The following GRXCR1 variants were observed in gnomAD, a reference collection of about 807,000 sequenced individuals.
GRXCR1 encodes glutaredoxin and cysteine rich domain containing 1.
A neutral mutation model predicts 27.3 loss-of-function variants in GRXCR1; 27 were observed. The observed-to-expected ratio is 0.99, with a 90% CI of 0.73 to 1.37. GRXCR1 has a LOEUF of 1.37. Ranked by LOEUF, GRXCR1 falls within the 40% of genes most tolerant of loss-of-function variation. The probability of loss-of-function intolerance (pLI) is 0.00; values close to 1 mark genes in which losing one functional copy is unlikely to be tolerated. For synonymous variants in GRXCR1, 122 were observed against 131.1 expected (o/e 0.93, Z 0.47); for missense variants, 379 against 354.4 (o/e 1.07, Z -0.56).
chr4:43,000,957 C>T (rs1329807856), intron 2 of GRXCR1, among the ~76,000 whole-genome samples: 2 of 152,052 alleles, frequency 1.3e-5, no homozygotes, highest in Non-Finnish European at 2.9e-5. Flanking sequence ...GAAGGCGCCT[C>T]ACTCTGTTGC....
At chr4:42,974,782 G>A (rs540238286) in intron 2 of GRXCR1, among the ~76,000 whole-genome samples, 1 of 152,240 alleles carries the variant, frequency 6.6e-6, no homozygotes, top group Admixed American at 6.5e-5. Context: ...TCTTGGGGCT[G>A]TGGCATAAAC....
At position 42,963,123 on chromosome 4, in the gene GRXCR1, C is replaced by T. The variant is rs1193967022; in HGVS notation, c.616C>T (p.His206Tyr). 6.2e-7 allele frequency: 1 copy of T among 1,608,848 alleles called. No individual in the cohort carries two copies. The highest frequency in any genetic ancestry group is 8.5e-7 in the Non-Finnish European group (1 of 1,177,132). Residue 206 changes from histidine to tyrosine, a missense_variant, in exon 2 of 4, where the codon CAT becomes TAT. By Grantham distance (83) the His-to-Tyr change is moderately conservative. Transcript: ENST00000399770. ...PSLPVVFIDG[H>Y]YLGGAEKILS... ...CCTCCCTGTTGTGTTCATTGATGGC[C>T]ATTACCTTGGGGTAAGTAAGCTGCC...
chr4:42,898,244 A>G (rs78934415), intron 1 of GRXCR1, among the ~76,000 whole-genome samples: 7,094 of 134,398 alleles, frequency 0.053, 220 homozygotes, highest in South Asian at 0.11. Context: ...CATTTATTGA[A>G]CATTTGATCT....
chr4:43,025,301 G>A (rs572193345), intron 3 of GRXCR1, among the ~76,000 whole-genome samples: 25 of 152,330 alleles, frequency 1.6e-4, no homozygotes, highest in African/African-American at 5.8e-4. Flanking sequence ...GTGAGGCTGA[G>A]ATGTACTACT....
intron 2 of GRXCR1, among the ~76,000 whole-genome samples, chr4:43,003,094 A>G (rs1033897756): frequency 1.3e-5 from 2 of 152,088 alleles, no homozygotes; most frequent in African/African-American, 4.8e-5. Flanking sequence ...GCCTTCTGTC[A>G]TGATTGTAAG....
At chr4:43,028,034 G>A (rs1713309618) in intron 3 of GRXCR1, among the ~76,000 whole-genome samples, 2 of 151,962 alleles carry the variant, frequency 1.3e-5, no homozygotes, top group Admixed American at 1.3e-4. Context: ...ACTTGAACCT[G>A]GGAGGAGGAG....
At chr4:42,995,548 A>T (rs957499417) in intron 2 of GRXCR1, among the ~76,000 whole-genome samples, 3 of 152,170 alleles carry the variant, frequency 2.0e-5, no homozygotes, top group African/African-American at 7.2e-5. Flanking sequence ...AGTTTACCAC[A>T]TCCTCACTGC....
At chr4:42,994,526 A>G (rs1391378251) in intron 2 of GRXCR1, among the ~76,000 whole-genome samples, 1 of 152,138 alleles carries the variant, frequency 6.6e-6, no homozygotes, top group African/African-American at 2.4e-5. Flanking sequence ...CTGTTATTCA[A>G]ACTTACCCCA....
intron 1 of GRXCR1, among the ~76,000 whole-genome samples, chr4:42,927,735 G>C (rs1747194746): frequency 6.6e-6 from 1 of 151,962 alleles, no homozygotes; most frequent in African/African-American, 2.4e-5. Flanking sequence ...AGAGAAGCTT[G>C]ATTTGAAATT....
At chr4:42,930,294 T>A (rs1036658132) in intron 1 of GRXCR1, among the ~76,000 whole-genome samples, 1 of 152,030 alleles carries the variant, frequency 6.6e-6, no homozygotes, top group Non-Finnish European at 1.5e-5. Flanking sequence ...TTCTCCATCA[T>A]GAGGAATTTC....
intron 2 of GRXCR1, among the ~76,000 whole-genome samples, chr4:42,988,581 G>C (rs1197348935): frequency 6.6e-6 from 1 of 152,154 alleles, no homozygotes. Flanking sequence ...TCAGTTATAA[G>C]TATATTTTTC....
chr4:42,914,240 A>G (rs990703282), intron 1 of GRXCR1, among the ~76,000 whole-genome samples: 3 of 152,214 alleles, frequency 2.0e-5, no homozygotes, highest in Admixed American at 6.5e-5. Context: ...AAGTGGAAAC[A>G]CTCAACATCA....
At position 43,003,722 on chromosome 4, in the gene GRXCR1, G is replaced by GCAGCAAAGCATTCAAGAAATTGC. The variant is rs1712460451; in HGVS notation, c.628-16630_628-16608dup. On this transcript the variant is annotated intron_variant, in intron 2 of 3. Coordinates refer to ENST00000399770, the MANE Select transcript of GRXCR1 (RefSeq NM_001080476.3). Reference sequence around the variant, plus strand: ...AGCATCTGGCAGAAGAAATTTCTAAGCAGCAAAGCATTCAAGAAATTGCCT... The same window carrying GCAGCAAAGCATTCAAGAAATTGC: ...AGCATCTGGCAGAAGAAATTTCTAAGCAGCAAAGCATTCAAGAAATTGCCAGCAAAGCATTCAAGAAATTGCCT... 2.0e-5 allele frequency among the ~76,000 whole-genome samples: 3 copies of GCAGCAAAGCATTCAAGAAATTGC among 152,156 alleles called. No individual in the cohort carries two copies. In the South Asian group the frequency reaches 6.2e-4, roughly 32 times the overall value.
chr4:43,013,770 C>A (rs545530877), intron 2 of GRXCR1, among the ~76,000 whole-genome samples: 219 of 152,302 alleles, frequency 1.4e-3, no homozygotes, highest in African/African-American at 4.9e-3. Flanking sequence ...CCCAACACTA[C>A]CTGTTTTCTA....
chr4:42,903,419 C>A (rs1284947211), intron 1 of GRXCR1, among the ~76,000 whole-genome samples: 1 of 139,774 alleles, frequency 7.2e-6, no homozygotes, highest in East Asian at 2.7e-4. Context: ...TCATGCCATT[C>A]TCCTGCCTCA....
chr4:42,979,002 T>G (rs914401394), intron 2 of GRXCR1, among the ~76,000 whole-genome samples: 6 of 152,036 alleles, frequency 3.9e-5, no homozygotes, highest in Admixed American at 2.0e-4. Flanking sequence ...GCCTTGCTTC[T>G]CTTTCACTTT....
intron 2 of GRXCR1, among the ~76,000 whole-genome samples, chr4:42,982,206 TC>T (rs2109785612): frequency 9.4e-6 from 1 of 105,866 alleles, no homozygotes; most frequent in Non-Finnish European, 1.9e-5. Context: ...CCCTCCCCCC[TC>T]CCCCTACCCC....
chr4:42,937,700 C>T (rs1053767703), intron 1 of GRXCR1, among the ~76,000 whole-genome samples: 1 of 151,948 alleles, frequency 6.6e-6, no homozygotes, highest in Non-Finnish European at 1.5e-5. Flanking sequence ...AGAAACTTGG[C>T]TCCCATCACC....
intron 1 of GRXCR1, among the ~76,000 whole-genome samples, chr4:42,918,037 T>C (rs1746923437): frequency 6.6e-6 from 1 of 152,072 alleles, no homozygotes; most frequent in South Asian, 2.1e-4. Context: ...GTTACAAAAA[T>C]AATGGAAAGC....
Sources: gnomAD v4.1 joint callset for allele counts (sites outside exome capture counted in the v4.1 genomes callset) on GRCh38, gnomAD v4.1.1 for gene constraint, MANE v1.5 for transcripts, NCBI Gene and HGNC (gene_info 2026-07-23, HGNC 2026-07-21) for gene names.